VTI1A: variants seen among roughly 807,000 people sequenced by gnomAD.
The protein encoded by VTI1A is vesicle transport through interaction with t-SNAREs homolog 1A.
VTI1A carries 22 observed loss-of-function variants against 34.9 expected under a neutral mutation model. That is an observed-to-expected ratio of 0.63 (90% confidence interval 0.45 to 0.90). The LOEUF is 0.90. VTI1A is among the 40% of genes least tolerant of loss of function. The pLI is 0.00. For missense variants in VTI1A, 268 were observed against 275.6 expected (o/e 0.97, Z 0.20); for synonymous variants, 87 against 97.3 (o/e 0.89, Z 0.62).
chr10:112,551,666 A>G (rs902995401), intron 5 of VTI1A, among the ~76,000 whole-genome samples: 2 of 152,230 alleles, frequency 1.3e-5, no homozygotes, highest in African/African-American at 2.4e-5. Flanking sequence ...AAATAGCTAT[A>G]GATTCTAATA....
At chr10:112,755,023 A>T (rs1851231201) in intron 7 of VTI1A, among the ~76,000 whole-genome samples, 1 of 151,980 alleles carries the variant, frequency 6.6e-6, no homozygotes, top group Non-Finnish European at 1.5e-5. Context: ...TTGGGAGGCT[A>T]AGGTAGGCAG....
intron 7 of VTI1A, among the ~76,000 whole-genome samples, chr10:112,781,192 G>A (rs999399381): frequency 5.3e-5 from 8 of 151,882 alleles, no homozygotes; most frequent in Non-Finnish European, 8.8e-5. Context: ...CAGTCTACCC[G>A]CCTCGGCCTC....
intron 7 of VTI1A, among the ~76,000 whole-genome samples, chr10:112,703,808 A>G (rs1452280619): frequency 6.6e-6 from 1 of 152,204 alleles, no homozygotes; most frequent in Non-Finnish European, 1.5e-5. Flanking sequence ...TGATAGATGC[A>G]CTGTAGAGTG....
chr10:112,668,061 T>C (rs1449901084), intron 5 of VTI1A, among the ~76,000 whole-genome samples, 157 bp from the exon 6 acceptor site: 1 of 152,194 alleles, frequency 6.6e-6, no homozygotes, highest in East Asian at 1.9e-4. Context: ...ATTTATCAAA[T>C]ACTGTTTATA....
the VTI1A span, among the ~76,000 whole-genome samples, chr10:112,844,005 GA>G: frequency 6.6e-6 from 1 of 152,162 alleles, no homozygotes; most frequent in Non-Finnish European, 1.5e-5. Flanking sequence ...TGTTCAGGAG[GA>G]GGAAGGTTAG....
chr10:112,490,291 G>A (rs1440323203), intron 3 of VTI1A, among the ~76,000 whole-genome samples: 1 of 152,140 alleles, frequency 6.6e-6, no homozygotes, highest in East Asian at 1.9e-4. Context: ...CAACCTGTCG[G>A]TGATTAAATA....
intron 7 of VTI1A, among the ~76,000 whole-genome samples, chr10:112,726,250 CCTT>C (rs2133948964): frequency 6.6e-6 from 1 of 152,300 alleles, no homozygotes; most frequent in South Asian, 2.1e-4. Flanking sequence ...TTCATCCTCT[CCTT>C]CTAAATCAGA....
intron 4 of VTI1A, among the ~76,000 whole-genome samples, chr10:112,531,336 A>G (rs1214839889): frequency 1.3e-5 from 2 of 152,162 alleles, no homozygotes; most frequent in African/African-American, 4.8e-5. Flanking sequence ...ACATGGTGGC[A>G]TTGCACACTC....
At position 112,793,040 on chromosome 10, in the gene VTI1A, G is replaced by A. The variant is rs373385451; in HGVS notation, c.561-22250G>A. Among the ~76,000 whole-genome samples, 14 of 152,248 alleles carry A rather than the reference G, an allele frequency of 9.2e-5. No individual in the cohort carries two copies. In the East Asian group the frequency reaches 9.6e-4, roughly 10 times the overall value. ...GTTACAGGCATCTGCAGTAATTGTC[G>A]CACACTCGGTGAAGTGGAAGCACAG... is the stretch of plus-strand genomic sequence containing the variant. On this transcript the variant is annotated intron_variant, in intron 7 of 7. Transcript: ENST00000393077.
At chr10:112,785,690 A>G (rs1371016714) in intron 7 of VTI1A, among the ~76,000 whole-genome samples, 1 of 152,160 alleles carries the variant, frequency 6.6e-6, no homozygotes, top group Non-Finnish European at 1.5e-5. Context: ...GTGTAAGGTT[A>G]TGGTCTATGT....
intron 7 of VTI1A, among the ~76,000 whole-genome samples, chr10:112,769,735 C>G (rs949156950): frequency 2.6e-5 from 4 of 152,186 alleles, no homozygotes; most frequent in Admixed American, 2.6e-4. Context: ...CCAGGAGTCT[C>G]ACCTCTTTTA....
At chr10:112,739,251 G>C (rs759601311) in intron 7 of VTI1A, among the ~76,000 whole-genome samples, 2 of 152,128 alleles carry the variant, frequency 1.3e-5, no homozygotes, top group African/African-American at 4.8e-5. Context: ...AAGCCACTTG[G>C]GGGGTTGAAC....
chr10:112,538,254 T>C lies in VTI1A; in HGVS notation c.351T>C (p.His117=). The part of the protein sequence containing the change: ...DGNSSENQRA[H]LLDNTERLER... The stretch of plus-strand genomic sequence containing the variant: ...CCCTTTTTCTTTTTCAGAGGGCACA[T>C]CTGCTCGATAACACAGAGAGGCTGG... Residue 117 remains histidine, a synonymous_variant, in exon 5 of 8, where the codon CAT becomes CAC. Transcript: ENST00000393077. The C allele has an allele frequency of 6.2e-7, 1 of 1,613,290 alleles. No homozygotes were observed. Among genetic ancestry groups the C allele is most frequent in the Non-Finnish European group, 8.5e-7 (1 of 1,179,684 alleles).
chr10:112,734,892 A>G (rs1455233821), intron 7 of VTI1A, among the ~76,000 whole-genome samples: 1 of 151,982 alleles, frequency 6.6e-6, no homozygotes, highest in African/African-American at 2.4e-5. Flanking sequence ...TCGGCCTCCC[A>G]AAGTGCTGGG....
At chr10:112,685,646 CT>C (rs1371311050) in intron 7 of VTI1A, among the ~76,000 whole-genome samples, 7 of 141,922 alleles carry the variant, frequency 4.9e-5, no homozygotes, top group Non-Finnish European at 9.3e-5. Flanking sequence ...TTCTCAGAAT[CT>C]TTAGGATGTT....
At chr10:112,669,809 A>G (rs1010503744) in intron 7 of VTI1A, among the ~76,000 whole-genome samples, 8 of 152,194 alleles carry the variant, frequency 5.3e-5, no homozygotes, top group African/African-American at 1.9e-4. Context: ...AAAAATAACT[A>G]AAGTCTTGTC....
At chr10:112,538,650 G>T in intron 5 of VTI1A, 1 of 218,178 alleles carries the variant, frequency 4.6e-6, no homozygotes, top group Non-Finnish European at 9.0e-6. Context: ...AGCACATGGC[G>T]CAATCTCCAG....
At chr10:112,739,948 T>A (rs568337171) in intron 7 of VTI1A, among the ~76,000 whole-genome samples, 9 of 152,344 alleles carry the variant, frequency 5.9e-5, no homozygotes, top group African/African-American at 1.4e-4. Flanking sequence ...TCATTTTTTT[T>A]AAATTATGCA....
the VTI1A span, among the ~76,000 whole-genome samples, chr10:112,846,384 A>T: frequency 6.6e-6 from 1 of 152,218 alleles, no homozygotes; most frequent in Non-Finnish European, 1.5e-5. Context: ...TTGATATTGG[A>T]ACAGCACTGG....
Sources: allele counts gnomAD v4.1 joint callset (sites outside exome capture counted in the v4.1 genomes callset), GRCh38; gene constraint gnomAD v4.1.1; transcripts MANE v1.5; gene names NCBI Gene and HGNC (gene_info 2026-07-23, HGNC 2026-07-21).